The following LIN54 variants were observed in gnomAD, a reference collection of about 807,000 sequenced individuals.
LIN54 encodes protein lin-54 homolog.
A neutral mutation model predicts 78.7 loss-of-function variants in LIN54; 9 were observed. The ratio of observed to expected loss-of-function variants is 0.11; its 90% CI spans 0.07 to 0.20. The LOEUF (loss-of-function observed/expected upper bound fraction) is 0.20. LIN54 is among the 10% of genes least tolerant of loss of function. The pLI is 1.00. For missense variants in LIN54, 573 were observed against 889.9 expected (o/e 0.64, Z 4.53); for synonymous variants, 269 against 318.4 (o/e 0.84, Z 1.65).
Position 82,925,167 on chromosome 4 carries a change from T to A in LIN54, c.*2935A>T, listed in dbSNP as rs1292206523. 6.6e-6 allele frequency: 1 copy of A among 152,552 alleles called. No homozygotes were observed. The highest frequency in any genetic ancestry group is 1.5e-5 in the Non-Finnish European group (1 of 68,018). The allele number at this position is 152,552 out of a possible 1,614,324, so 9.4% of individuals were successfully genotyped here. A position where few individuals can be genotyped will look rare whatever the true frequency, so the allele number is the denominator to read the frequency against. On this transcript the variant is annotated 3_prime_UTR_variant, in exon 13 of 13. Transcript: ENST00000340417. ...AAAAGGAAACTAAGAAAGATAGCTA[T>A]CATAAGAACATTTCACATTAAAAGA... is the stretch of plus-strand genomic sequence containing the variant.
At chr4:82,994,539 A>G (rs1230595119) in intron 1 of LIN54, among the ~76,000 whole-genome samples, 1 of 152,046 alleles carries the variant, frequency 6.6e-6, no homozygotes, top group African/African-American at 2.4e-5. Flanking sequence ...CTGGGATTAC[A>G]GGTGCATGGC....
At chr4:82,949,959 C>T (rs1723729141) in intron 4 of LIN54, among the ~76,000 whole-genome samples, 1 of 150,906 alleles carries the variant, frequency 6.6e-6, no homozygotes, top group Non-Finnish European at 1.5e-5. Flanking sequence ...GATTCTCCTA[C>T]CTCAGCCTCC....
chr4:82,976,811 TG>T (rs1726201634), intron 3 of LIN54, among the ~76,000 whole-genome samples: 1 of 152,190 alleles, frequency 6.6e-6, no homozygotes, highest in South Asian at 2.1e-4. Context: ...AAAGGCACTT[TG>T]GTGGTTTAAA....
chr4:82,992,212 C>T (rs4693538), intron 1 of LIN54, among the ~76,000 whole-genome samples: 151,712 of 152,342 alleles, frequency 1, 75,542 homozygotes, highest in Middle Eastern at 1. Flanking sequence ...AAGGAATTTG[C>T]CTATTTCCTC....
intron 4 of LIN54, among the ~76,000 whole-genome samples, chr4:82,958,637 T>C (rs1412491796): frequency 6.6e-6 from 1 of 152,202 alleles, no homozygotes; most frequent in African/African-American, 2.4e-5. Context: ...ACATAAGTGA[T>C]TTGATGCCCA....
At chr4:82,928,531 A>G (rs1721672545) in intron 12 of LIN54, among the ~76,000 whole-genome samples, 1 of 152,248 alleles carries the variant, frequency 6.6e-6, no homozygotes, top group Non-Finnish European at 1.5e-5. Context: ...TTAACATAAA[A>G]CACGTTACTT....
At chr4:82,960,046 G>C (rs1724660712) in intron 4 of LIN54, among the ~76,000 whole-genome samples, 1 of 152,080 alleles carries the variant, frequency 6.6e-6, no homozygotes, top group Admixed American at 6.5e-5. Context: ...TCAATTTCTA[G>C]GAAATTTATC....
intron 1 of LIN54, among the ~76,000 whole-genome samples, chr4:83,000,352 C>G (rs1385443229): frequency 6.6e-6 from 1 of 152,134 alleles, no homozygotes; most frequent in Admixed American, 6.5e-5. Context: ...GGTTTATGAT[C>G]AGAACTGCCC....
chr4:82,932,342 C>T (rs542503249), intron 11 of LIN54, among the ~76,000 whole-genome samples: 4 of 150,774 alleles, frequency 2.7e-5, no homozygotes, highest in Non-Finnish European at 4.4e-5. Flanking sequence ...GTGATTCACC[C>T]GCCTCGGCCT....
chr4:82,989,011 AC>A (rs1392661637), intron 1 of LIN54, among the ~76,000 whole-genome samples: 2 of 151,874 alleles, frequency 1.3e-5, no homozygotes, highest in Non-Finnish European at 2.9e-5. Flanking sequence ...ACATGGTGAA[AC>A]CCCATCTCTA....
chr4:82,956,811 C>CAGGG (rs941430685), intron 4 of LIN54, among the ~76,000 whole-genome samples: 5 of 151,880 alleles, frequency 3.3e-5, no homozygotes, highest in Non-Finnish European at 7.4e-5. Context: ...AACATAGAGA[C>CAGGG]AGGGTCTCAC....
intron 1 of LIN54, among the ~76,000 whole-genome samples, chr4:82,993,651 T>C (rs1404399293): frequency 1.3e-5 from 2 of 151,828 alleles, no homozygotes; most frequent in Non-Finnish European, 2.9e-5. Context: ...AGTGCCTCAC[T>C]CTGTCACCCA....
rs1334667935 is a variant in LIN54, at chr4:82,927,554, A to G, written c.*548T>C. The G allele has an allele frequency of 6.6e-6, 1 of 152,464 alleles. No homozygotes were observed. Among genetic ancestry groups the G allele is most frequent in the Non-Finnish European group, 1.5e-5 (1 of 68,054 alleles). The allele number at this position is 152,464 out of a possible 1,614,324, so 9.4% of individuals were successfully genotyped here. A position where few individuals can be genotyped will look rare whatever the true frequency, so the allele number is the denominator to read the frequency against. On this transcript the variant is annotated 3_prime_UTR_variant, in exon 13 of 13. Coordinates refer to ENST00000340417, the MANE Select transcript of LIN54 (RefSeq NM_194282.4). ...CCTGGGGATTGTTTCCCCTTCTGACATTCCCAAAGTGACAACAGGATATTA... is the reference window on the plus strand; with the variant it reads ...CCTGGGGATTGTTTCCCCTTCTGACGTTCCCAAAGTGACAACAGGATATTA...
intron 3 of LIN54, among the ~76,000 whole-genome samples, chr4:82,976,061 A>G (rs1473362351): frequency 6.6e-6 from 1 of 152,222 alleles, no homozygotes; most frequent in East Asian, 1.9e-4. Context: ...CAAGACCCTT[A>G]GTCCTACAAC....
chr4:82,970,145 A>G (rs545671752), intron 4 of LIN54, among the ~76,000 whole-genome samples, 182 bp downstream of exon 4: 3 of 152,290 alleles, frequency 2.0e-5, no homozygotes, highest in East Asian at 1.9e-4. Context: ...CTATGTTACT[A>G]TGTGTTTAAA....
chr4:82,974,606 A>G (rs1215952823), intron 3 of LIN54, among the ~76,000 whole-genome samples: 1 of 151,858 alleles, frequency 6.6e-6, no homozygotes, highest in African/African-American at 2.4e-5. Context: ...GCGTGATGGC[A>G]CACACCTGTA....
chr4:82,991,789 T>C lies in LIN54; in HGVS notation c.-32-6913A>G, dbSNP rs190645611. ...TTTTTTAATCTGTGAATTATATTAA[T>C]TTTTGATTAAATTAATTTTGCATTC... is the stretch of plus-strand genomic sequence containing the variant. On this transcript the variant is annotated intron_variant, in intron 1 of 12. Coordinates refer to ENST00000340417, the MANE Select transcript of LIN54 (RefSeq NM_194282.4). Among the ~76,000 whole-genome samples the C allele has an allele frequency of 5.7e-3, 871 of 152,304 alleles. 6 individuals carry two copies. The highest frequency in any genetic ancestry group is 0.02 in the African/African-American group (829 of 41,580).
intron 1 of LIN54, among the ~76,000 whole-genome samples, chr4:83,003,801 C>T (rs1400149268): frequency 6.6e-6 from 1 of 152,188 alleles, no homozygotes; most frequent in Non-Finnish European, 1.5e-5. Context: ...GCTGGAATTA[C>T]AGGCATGAGC....
rs1304433468 is a variant in LIN54 at position 82,927,418 on chromosome 4, G to A, written c.*684C>T. ...TGAAAGAAAATGGAGACAGCCCAGA[G>A]CATCTGTTAGCCTTTCCTTATTATA... On this transcript the variant is annotated 3_prime_UTR_variant, in exon 13 of 13. Transcript: ENST00000340417. 1.3e-5 allele frequency: 2 copies of A among 152,154 alleles called. No homozygotes were observed. The highest frequency in any genetic ancestry group is 2.4e-5 in the African/African-American group (1 of 41,428). The allele number at this position is 152,154 out of a possible 1,614,324, so 9.4% of individuals were successfully genotyped here.
Sources: allele counts gnomAD v4.1 joint callset (sites outside exome capture counted in the v4.1 genomes callset), GRCh38; gene constraint gnomAD v4.1.1; transcripts MANE v1.5; gene names NCBI Gene and HGNC (gene_info 2026-07-23, HGNC 2026-07-21).